The following KSR2 variants were observed in gnomAD, a reference collection of about 807,000 sequenced individuals.
The protein encoded by KSR2 is kinase suppressor of ras 2.
In KSR2, 25 loss-of-function variants were observed where a neutral mutation model predicts 107.8. The ratio of observed to expected loss-of-function variants is 0.23; its 90% confidence interval spans 0.17 to 0.32. The LOEUF is 0.32. KSR2 is among the 10% of genes least tolerant of loss of function. The probability of loss-of-function intolerance (pLI) is 1.00; values close to 1 mark genes in which losing one functional copy is unlikely to be tolerated. For missense variants in KSR2, 887 were observed against 1,268.9 expected, an observed-to-expected ratio of 0.70 and a Z score of 4.57; for synonymous variants, 480 against 507.0, an observed-to-expected ratio of 0.95 and a Z score of 0.71.
intron 3 of KSR2, among the ~76,000 whole-genome samples, chr12:117,851,789 G>A (rs2137208782): frequency 6.6e-6 from 1 of 152,164 alleles, no homozygotes; most frequent in South Asian, 2.1e-4. Context: ...TACTCAGGAG[G>A]CTGAGGCAAG....
intron 4 of KSR2, among the ~76,000 whole-genome samples, chr12:117,753,280 G>A (rs1399272176): frequency 6.6e-6 from 1 of 152,172 alleles, no homozygotes; most frequent in African/African-American, 2.4e-5. Flanking sequence ...CAGATATGGT[G>A]TATCTCTGTT....
chr12:117,594,115 T>C (rs1312785094), intron 5 of KSR2, among the ~76,000 whole-genome samples: 2 of 152,212 alleles, frequency 1.3e-5, no homozygotes, highest in Non-Finnish European at 2.9e-5. Context: ...AATTCTCCCC[T>C]GATGGAAATA....
chr12:117,627,251 C>A (rs1036827566), intron 5 of KSR2, among the ~76,000 whole-genome samples: 5 of 152,066 alleles, frequency 3.3e-5, no homozygotes, highest in African/African-American at 1.2e-4. Context: ...TTATGATGTT[C>A]ACTGGTTATT....
rs1300054165 is a variant in KSR2, at chr12:117,539,852, G to A, written c.1554C>T (p.Ser518=). 6.2e-7 allele frequency: 1 copy of A among 1,610,706 alleles called. No individual in the cohort carries two copies. Among genetic ancestry groups the A allele is most frequent in the South Asian group, 1.1e-5 (1 of 90,856 alleles). Residue 518 remains serine, a synonymous_variant, in exon 10 of 20, where the codon AGC becomes AGT. Coordinates refer to ENST00000339824, the MANE Select transcript of KSR2 (RefSeq NM_173598.6). ...HIPVPYQPDS[S]SNPSSTTSST... is the part of the protein sequence containing the mutation. ...AGGACGTCGTGGAGGAGGGGTTGCTGCTGGAGTCTGGCTGGTAAGGGACAG... is the reference window on the plus strand; with the variant it reads ...AGGACGTCGTGGAGGAGGGGTTGCTACTGGAGTCTGGCTGGTAAGGGACAG...
chr12:117,606,214 T>G (rs1181931107), intron 5 of KSR2, among the ~76,000 whole-genome samples: 1 of 152,114 alleles, frequency 6.6e-6, no homozygotes, highest in Non-Finnish European at 1.5e-5. Flanking sequence ...ATAGACAGTT[T>G]CCTTAGTGAT....
At chr12:117,478,369 T>C (rs1871931929) in intron 16 of KSR2, among the ~76,000 whole-genome samples, 1 of 152,102 alleles carries the variant, frequency 6.6e-6, no homozygotes, top group African/African-American at 2.4e-5. Context: ...CTAACCACCA[T>C]GACTATTGAG....
chr12:117,484,547 G>T lies in KSR2; in HGVS notation c.2319C>A (p.Gly773=), dbSNP rs1214653406. ...TRQIAQEIVK[G]MGYLHAKGIL... is the part of the protein sequence containing the mutation. ...TTCCCTTGGCGTGGAGGTAGCCCAT[G>T]CCCTGCAAGAAGCAAGGAACAGAGA... Residue 773 remains glycine (G), a splice_region_variant and synonymous_variant, in exon 16 of 20, where the codon GGC becomes GGA. Coordinates refer to ENST00000339824, the MANE Select transcript of KSR2 (RefSeq NM_173598.6). 6.2e-7 allele frequency: 1 copy of T among 1,613,742 alleles called. No individual in the cohort carries two copies. Among genetic ancestry groups the T allele is most frequent in the South Asian group, 1.1e-5 (1 of 91,024 alleles).
intron 5 of KSR2, among the ~76,000 whole-genome samples, chr12:117,630,496 T>C (rs1331085295): frequency 6.6e-6 from 1 of 152,136 alleles, no homozygotes; most frequent in Non-Finnish European, 1.5e-5. Flanking sequence ...CAGAGCCTAG[T>C]GTGCCAAGGA....
intron 14 of KSR2, among the ~76,000 whole-genome samples, chr12:117,486,599 G>T (rs946957708): frequency 6.6e-6 from 1 of 152,188 alleles, no homozygotes; most frequent in Non-Finnish European, 1.5e-5. Context: ...AACCTGTGAT[G>T]TTATTGCTAA....
At chr12:117,831,994 T>C (rs1254412693) in intron 3 of KSR2, among the ~76,000 whole-genome samples, 3 of 152,276 alleles carry the variant, frequency 2.0e-5, no homozygotes, top group Non-Finnish European at 2.9e-5. Context: ...CCTATAAAAC[T>C]TGTACTGTGG....
chr12:117,820,434 G>C (rs952902137), intron 3 of KSR2, among the ~76,000 whole-genome samples: 2 of 152,180 alleles, frequency 1.3e-5, no homozygotes, highest in Non-Finnish European at 2.9e-5. Context: ...GCCCAGGACA[G>C]ACCTGCGGAT....
chr12:117,841,260 A>G (rs950646466), intron 3 of KSR2, among the ~76,000 whole-genome samples: 27 of 152,200 alleles, frequency 1.8e-4, no homozygotes, highest in Non-Finnish European at 4.4e-5. Context: ...AAATATTTTC[A>G]TCCTCCTTGC....
intron 3 of KSR2, among the ~76,000 whole-genome samples, chr12:117,791,488 A>T (rs568562815): frequency 3.3e-5 from 5 of 152,240 alleles, no homozygotes; most frequent in African/African-American, 1.2e-4. Flanking sequence ...TTGTTACATT[A>T]TAATGGATCC....
intron 4 of KSR2, among the ~76,000 whole-genome samples, chr12:117,752,436 C>T (rs1888644103): frequency 1.3e-5 from 2 of 152,198 alleles, no homozygotes; most frequent in African/African-American, 2.4e-5. Context: ...CTAATAAAGG[C>T]AAGTCACATT....
intron 3 of KSR2, among the ~76,000 whole-genome samples, chr12:117,832,826 A>G (rs12825364): frequency 0.28 from 42,324 of 152,174 alleles, 6,804 homozygotes; most frequent in Middle Eastern, 0.44. Flanking sequence ...GCACAGGCCA[A>G]TGCACTGCTG....
rs930872775 is a variant in KSR2 at position 117,466,937 on chromosome 12, C to T, written c.*262G>A. 4.6e-5 allele frequency: 18 copies of T among 395,258 alleles called. No homozygotes were observed. Among genetic ancestry groups the T allele is most frequent in the Middle Eastern group, 1.2e-3 (2 of 1,616 alleles). The allele number at this position is 395,258 out of a possible 1,614,324, so 24.5% of individuals were successfully genotyped here. A position where few individuals can be genotyped will look rare whatever the true frequency, so the allele number is the denominator to read the frequency against. On this transcript the variant is annotated 3_prime_UTR_variant, in exon 20 of 20. Coordinates refer to ENST00000339824, the MANE Select transcript of KSR2 (RefSeq NM_173598.6). ...TGCAGTGCTCTCATTAGTGCTGTCCCCTGGGCCGCACTGATCAATAACGCA... is the reference window on the plus strand; with the variant it reads ...TGCAGTGCTCTCATTAGTGCTGTCCTCTGGGCCGCACTGATCAATAACGCA...
chr12:117,927,068 A>AT (rs1001615986), intron 1 of KSR2, among the ~76,000 whole-genome samples: 10 of 151,996 alleles, frequency 6.6e-5, no homozygotes, highest in East Asian at 1.9e-4. Context: ...TCATTATATA[A>AT]TTTTTTTAAA....
chr12:117,807,752 A>G (rs1192291642), intron 3 of KSR2, among the ~76,000 whole-genome samples: 3 of 152,242 alleles, frequency 2.0e-5, no homozygotes, highest in Non-Finnish European at 4.4e-5. Context: ...GGTGGTGGAA[A>G]AGATAGTTGT....
At position 117,736,949 on chromosome 12, in the gene KSR2, T is replaced by C. The variant is rs186140021; in HGVS notation, c.986+24062A>G. On this transcript the variant is annotated intron_variant, in intron 4 of 19. Transcript: ENST00000339824. ...CCTACCAAGAACCCGGCTCCATGGC[T>C]CAAAGGGGAGAATGGGAATTAACCC... Among the ~76,000 whole-genome samples the C allele has an allele frequency of 2.6e-5, 4 of 152,236 alleles. No homozygotes were observed. In the East Asian group the frequency reaches 7.7e-4, roughly 29 times the overall value.
Sources: allele counts gnomAD v4.1 joint callset (sites outside exome capture counted in the v4.1 genomes callset), GRCh38; gene constraint gnomAD v4.1.1; transcripts MANE v1.5; gene names NCBI Gene and HGNC (gene_info 2026-07-23, HGNC 2026-07-21).